The following SOX8 variants were observed in gnomAD, a reference collection of about 807,000 sequenced individuals.
SOX8 encodes the protein SRY-box transcription factor 8.
A neutral mutation model predicts 22.9 loss-of-function variants in SOX8; 9 were observed. The observed-to-expected ratio is 0.39, with a 90% CI of 0.24 to 0.69. SOX8 has a LOEUF of 0.69. SOX8 is among the 30% of genes least tolerant of loss of function. The pLI, the probability that SOX8 is intolerant of heterozygous loss-of-function variation, is 0.43. For missense variants in SOX8, 734 were observed against 699.4 expected, an observed-to-expected ratio of 1.05 and a Z score of -0.56; for synonymous variants, 416 against 330.6, an observed-to-expected ratio of 1.26 and a Z score of -2.80.
chr16:982,106 G>T lies in SOX8; in HGVS notation c.184G>T (p.Glu62Ter). ...GGGCGACCCGGCGGAGGCGGCGGAC[G>T]AGCGCTTCCCGGCCTGCATCCGCGA... ...ARGDPAEAAD[E>*]RFPACIRDAV... Residue 62 changes from glutamate (E) to a stop codon, truncating the protein, a stop_gained, in exon 1 of 3, where the codon GAG (glutamate) becomes TAG (stop). Coordinates refer to ENST00000293894, the MANE Select transcript of SOX8 (RefSeq NM_014587.5). LOFTEE classifies it high-confidence loss of function. 7.4e-7 allele frequency: 1 copy of T among 1,343,584 alleles called. No individual in the cohort carries two copies. The highest frequency in any genetic ancestry group is 9.5e-7 in the Non-Finnish European group (1 of 1,053,448). The allele number at this position is 1,343,584 out of a possible 1,614,324, so 83.2% of individuals were successfully genotyped here.
Position 981,989 on chromosome 16 carries a change from T to C in SOX8, c.67T>C (p.Ser23Pro). 6.9e-7 allele frequency: 1 copy of C among 1,447,912 alleles called. No homozygotes were observed. Among genetic ancestry groups the C allele is most frequent in the South Asian group, 1.3e-5 (1 of 75,570 alleles). The allele number at this position is 1,447,912 out of a possible 1,614,324, so 89.7% of individuals were successfully genotyped here. Residue 23 changes from serine to proline, a missense_variant, in exon 1 of 3, where the codon TCG (serine) becomes CCG (proline). By Grantham distance (74) the Ser-to-Pro change is moderately conservative. This residue lies in a region of SOX8 where 139 missense variants were observed against 109.1 expected (regional missense o/e 1.27). Transcript: ENST00000293894. ...CSPSGTASSM[S>P]HVEDSDSDAP... ...CCCGTCCGGCACCGCCAGCTCCATG[T>C]CGCACGTGGAGGACTCGGACTCGGA...
At chr16:984,469 T>G (rs1291240898) in intron 2 of SOX8, among the ~76,000 whole-genome samples, 2 of 152,180 alleles carry the variant, frequency 1.3e-5, no homozygotes, top group Non-Finnish European at 2.9e-5. Context: ...CCCACCTTGG[T>G]CTCTGGGAGG....
In SOX8 at chr16:981,851, C is replaced by T; in HGVS notation, c.-72C>T. On this transcript the variant is annotated 5_prime_UTR_variant, in exon 1 of 3. Transcript: ENST00000293894. Reference sequence around the variant, plus strand: ...CGCGCGGCGACCTCGGGTCCCGGAGCGACCGCAGGGCAGCCCCGGGCGCCG... The same window carrying T: ...CGCGCGGCGACCTCGGGTCCCGGAGTGACCGCAGGGCAGCCCCGGGCGCCG... 1.0e-6 allele frequency: 1 copy of T among 980,558 alleles called. No individual in the cohort carries two copies. The highest frequency in any genetic ancestry group is 1.3e-6 in the Non-Finnish European group (1 of 799,836). 60.7% of individuals were successfully genotyped at this position (980,558 alleles called of 1,614,324 possible). A position where few individuals can be genotyped will look rare whatever the true frequency, so the allele number is the denominator to read the frequency against.
At chr16:983,694 C>G in intron 1 of SOX8, 34 bp from the exon 2 acceptor site, 3 of 1,592,014 alleles carry the variant, frequency 1.9e-6, no homozygotes, top group Non-Finnish European at 2.6e-6. Flanking sequence ...ACAGTGGGCG[C>G]CCTGGCCATC....
At position 984,789 on chromosome 16, in the gene SOX8, A is replaced by T; in HGVS notation, c.744A>T (p.Gly248=). The T allele has an allele frequency of 1.3e-6, 2 of 1,543,172 alleles. No homozygotes were observed. Among genetic ancestry groups the T allele is most frequent in the Non-Finnish European group, 1.8e-6 (2 of 1,140,292 alleles). ...CCAAGCCGGAGCTGAAGCTGGAGGGACGCCGGCCGGTGGACAGCGGGCGCC... is the reference window on the plus strand; with the variant it reads ...CCAAGCCGGAGCTGAAGCTGGAGGGTCGCCGGCCGGTGGACAGCGGGCGCC... ...AGAKPELKLE[G]RRPVDSGRQN... is the part of the protein sequence containing the mutation. The change falls in exon 3 of 3, where the codon GGA becomes GGT. Residue 248 remains glycine, a synonymous_variant. Transcript: ENST00000293894.
At position 984,888 on chromosome 16, in the gene SOX8, C is replaced by A; in HGVS notation, c.843C>A (p.Asp281Glu). The A allele has an allele frequency of 6.2e-7, 1 of 1,611,108 alleles. No homozygotes were observed. The highest frequency in any genetic ancestry group is 8.5e-7 in the Non-Finnish European group (1 of 1,178,966). ...TCATGGGCACCATGGACGCCTTCGACGTCCACGAGTTCGACCAGTACCTGC... is the reference window on the plus strand; with the variant it reads ...TCATGGGCACCATGGACGCCTTCGAAGTCCACGAGTTCGACCAGTACCTGC... ...SEVMGTMDAF[D>E]VHEFDQYLPL... Residue 281 changes from aspartate (D) to glutamate (E), a missense_variant, in exon 3 of 3, where the codon GAC becomes GAA. Physicochemically the swap from Asp to Glu is conservative, Grantham distance 45. This residue lies in a region of SOX8 where 588 missense variants were observed against 568.2 expected (regional missense o/e 1.03). Coordinates refer to ENST00000293894, the MANE Select transcript of SOX8 (RefSeq NM_014587.5).
At position 982,356 on chromosome 16, in the gene SOX8, C is replaced by A; in HGVS notation, c.422+12C>A. The A allele has an allele frequency of 7.4e-7, 1 of 1,344,702 alleles. No homozygotes were observed. 83.3% of individuals were successfully genotyped at this position (1,344,702 alleles called of 1,614,324 possible). On this transcript the variant is annotated intron_variant, in intron 1 of 2. Transcript: ENST00000293894. ...GGCAAGCTGTGGCGGTGAGTGCCGG[C>A]GCCCCGGGGGCGGGGTTCGGGACCT...
chr16:985,423 GGGCAGCC>G lies in SOX8; in HGVS notation c.*38_*44del. The G allele has an allele frequency of 6.8e-7, 1 of 1,460,928 alleles. No homozygotes were observed. The highest frequency in any genetic ancestry group is 1.3e-5 in the South Asian group (1 of 74,264). The allele number at this position is 1,460,928 out of a possible 1,614,324, so 90.5% of individuals were successfully genotyped here. ...CGGGGAGGGACTCGCAGGCGTCAGGGGGCAGCCTTGTCCCGGCCCAGTGTGTGTGACC... is the reference window on the plus strand; with the variant it reads ...CGGGGAGGGACTCGCAGGCGTCAGGGTTGTCCCGGCCCAGTGTGTGTGACC... On this transcript the variant is annotated 3_prime_UTR_variant, in exon 3 of 3. Transcript: ENST00000293894.
Position 983,786 on chromosome 16 carries a change from C to G in SOX8, c.481C>G (p.Gln161Glu). 6.2e-7 allele frequency: 1 copy of G among 1,612,794 alleles called. No individual in the cohort carries two copies. Among genetic ancestry groups the G allele is most frequent in the Non-Finnish European group, 8.5e-7 (1 of 1,179,802 alleles). Reference sequence around the variant, plus strand: ...GGAGGAGGCAGAGCGCCTTCGCGTGCAGCACAAGAAGGACCACCCCGACTA... The same window carrying G: ...GGAGGAGGCAGAGCGCCTTCGCGTGGAGCACAAGAAGGACCACCCCGACTA... ...FVEEAERLRV[Q>E]HKKDHPDYKY... Residue 161 changes from glutamine (Q) to glutamate (E), a missense_variant, in exon 2 of 3, where the codon CAG (glutamine) becomes GAG (glutamate). Transcript: ENST00000293894.
At chr16:984,232 A>G (rs540394873) in intron 2 of SOX8, among the ~76,000 whole-genome samples, 7 of 152,300 alleles carry the variant, frequency 4.6e-5, no homozygotes, top group South Asian at 2.1e-4. Flanking sequence ...ACTCAGTCCA[A>G]TGCGGGCTCC....
intron 1 of SOX8, chr16:982,976 C>G (rs2073416848): frequency 6.6e-6 from 1 of 152,378 alleles, no homozygotes; most frequent in African/African-American, 2.4e-5. Context: ...GAAATTAGGA[C>G]TGCAGAGTGA....
chr16:985,155 C>T lies in SOX8; in HGVS notation c.1110C>T (p.Ala370=), dbSNP rs761495487. The T allele has an allele frequency of 3.6e-5, 57 of 1,605,236 alleles. No individual in the cohort carries two copies. In the East Asian group the frequency reaches 6.0e-4, roughly 17 times the overall value. The change falls in exon 3 of 3, where the codon GCC becomes GCT. Residue 370 remains alanine (A), a synonymous_variant. Transcript: ENST00000293894. ...SCSGQSSATP[A]APAGPFAGSQ... ...GCGGCCAGTCCAGCGCCACCCCGGC[C>T]GCCCCCGCCGGCCCCTTCGCCGGCT...
chr16:982,286 G>C lies in SOX8; in HGVS notation c.364G>C (p.Asp122His). Reference sequence around the variant, plus strand: ...GCAGGCGGCGCGCCGCAAGCTGGCCGACCAGTACCCGCACCTGCACAACGC... The same window carrying C: ...GCAGGCGGCGCGCCGCAAGCTGGCCCACCAGTACCCGCACCTGCACAACGC... Reference protein sequence around the residue: ...WAQAARRKLADQYPHLHNAEL... With the variant: ...WAQAARRKLAHQYPHLHNAEL... Residue 122 changes from aspartate to histidine, a missense_variant, in exon 1 of 3, where the codon GAC becomes CAC. By Grantham distance (81) the Asp-to-His change is moderately conservative. Transcript: ENST00000293894. 6.6e-7 allele frequency: 1 copy of C among 1,518,892 alleles called. No homozygotes were observed. Among genetic ancestry groups the C allele is most frequent in the East Asian group, 2.6e-5 (1 of 38,680 alleles). 94.1% of individuals were successfully genotyped at this position (1,518,892 alleles called of 1,614,324 possible). A position where few individuals can be genotyped will look rare whatever the true frequency, so the allele number is the denominator to read the frequency against.
In SOX8 at chr16:986,726, G is replaced by A. The variant is rs1567358819; in HGVS notation, c.*1340G>A. ...TTGTAAACTTAAACACAGCCGAGAA[G>A]TTGCTTCTTTGTACTTTTTCTACTT... On this transcript the variant is annotated 3_prime_UTR_variant, in exon 3 of 3. Transcript: ENST00000293894. 7.2e-6 allele frequency: 1 copy of A among 139,288 alleles called. No individual in the cohort carries two copies. Among genetic ancestry groups the A allele is most frequent in the African/African-American group, 2.7e-5 (1 of 37,434 alleles). 8.6% of individuals were successfully genotyped at this position (139,288 alleles called of 1,614,324 possible). A position where few individuals can be genotyped will look rare whatever the true frequency, so the allele number is the denominator to read the frequency against.
intron 2 of SOX8, 114 bp from the exon 3 acceptor site, chr16:984,587 A>C: frequency 1.6e-6 from 1 of 609,052 alleles, no homozygotes; most frequent in Non-Finnish European, 2.7e-6. Flanking sequence ...AGAAACAAAA[A>C]GCCGTTGATC....
In SOX8 at chr16:982,063, C is replaced by G. The variant is rs753676363; in HGVS notation, c.141C>G (p.Val47=). 2.3e-6 allele frequency: 3 copies of G among 1,296,380 alleles called. No homozygotes were observed. The highest frequency in any genetic ancestry group is 5.2e-5 in the South Asian group (2 of 38,684). The allele number at this position is 1,296,380 out of a possible 1,614,324, so 80.3% of individuals were successfully genotyped here. The stretch of plus-strand genomic sequence containing the variant: ...CCGAGGGCCTGGGCCGCGCGGGGGT[C>G]GCGGTGGGGGGCGCCCGGGGCGACC... ...AGSEGLGRAG[V]AVGGARGDPA... is the part of the protein sequence containing the mutation. The change falls in exon 1 of 3, where the codon GTC becomes GTG. Residue 47 remains valine (V), a synonymous_variant. Transcript: ENST00000293894.
At chr16:982,399 G>A (rs2073403534) in intron 1 of SOX8, 55 bp downstream of exon 1, 14 of 1,292,826 alleles carry the variant, frequency 1.1e-5, no homozygotes, top group African/African-American at 1.5e-5. Context: ...CCCTGGTCTC[G>A]GACTGCGAGC....
Position 981,796 on chromosome 16 carries a change from G to GCGCTCAAAGCCAA in SOX8, c.-127_-126insCGCTCAAAGCCAA. ...GGACCCGAGCCTCGGCGGCGGCGGC[G>GCGCTCAAAGCCAA]GCGGCGGCAGGGGCGAGGGTCGGGG... On this transcript the variant is annotated 5_prime_UTR_variant, in exon 1 of 3. Transcript: ENST00000293894. 2.8e-6 allele frequency: 1 copy of GCGCTCAAAGCCAA among 361,944 alleles called. No homozygotes were observed. The highest frequency in any genetic ancestry group is 3.9e-6 in the Non-Finnish European group (1 of 258,040). 22.4% of individuals were successfully genotyped at this position (361,944 alleles called of 1,614,324 possible). A position where few individuals can be genotyped will look rare whatever the true frequency, so the allele number is the denominator to read the frequency against.
chr16:982,543 T>C (rs2073407882), intron 1 of SOX8, 199 bp downstream of exon 1: 1 of 527,452 alleles, frequency 1.9e-6, no homozygotes, highest in Non-Finnish European at 2.9e-6. Flanking sequence ...GCGCCAGCTA[T>C]GGGAGTCGGG....
Sources: allele counts gnomAD v4.1 joint callset (sites outside exome capture counted in the v4.1 genomes callset), GRCh38; gene constraint gnomAD v4.1.1; regional missense constraint gnomAD v4.1.1; transcripts MANE v1.5; gene names NCBI Gene and HGNC (gene_info 2026-07-23, HGNC 2026-07-21).